The following ZNF516 variants were observed in gnomAD, a reference collection of about 807,000 sequenced individuals.
The protein encoded by ZNF516 is zinc finger protein 516.
Under a neutral mutation model 79.7 loss-of-function variants are expected in ZNF516, and 19 were observed. The ratio of observed to expected loss-of-function variants is 0.24; its 90% CI spans 0.17 to 0.35. The LOEUF (loss-of-function observed/expected upper bound fraction) is 0.35. Among genes scored for constraint, ZNF516 ranks in the 10% least tolerant of loss-of-function variants. ZNF516 has a pLI of 1.00. For synonymous variants in ZNF516, 877 were observed against 739.5 expected (o/e 1.19, Z -3.02); for missense variants, 1,678 against 1,679.5 (o/e 1.00, Z 0.02).
chr18:76,495,776 G>A (rs567546081), upstream of ZNF516: 5 of 1,135,504 alleles, frequency 4.4e-6, no homozygotes, highest in African/African-American at 6.8e-5. Context: ...ACACCCCTTC[G>A]GGGGTCCCAG....
chr18:76,391,015 G>A (rs1439242802), intron 3 of ZNF516, among the ~76,000 whole-genome samples: 2 of 152,108 alleles, frequency 1.3e-5, no homozygotes, highest in Non-Finnish European at 1.5e-5. Context: ...ACACTGGCAG[G>A]TGTTCCCAGA....
At chr18:76,456,277 A>G (rs903497099) in intron 2 of ZNF516, among the ~76,000 whole-genome samples, 2 of 152,240 alleles carry the variant, frequency 1.3e-5, no homozygotes, top group South Asian at 2.1e-4. Context: ...GTGCCTATTC[A>G]GGGACCTTGC....
Position 76,379,201 on chromosome 18 carries a change from C to T in ZNF516, c.2913G>A (p.Pro971=), listed in dbSNP as rs375660551. 1.7e-4 allele frequency: 278 copies of T among 1,612,842 alleles called. 1 individual carries two copies. The Middle Eastern group carries it at 3.1e-3, about 18-fold the overall frequency. Residue 971 remains proline (P), a synonymous_variant, in exon 4 of 7, where the codon CCG becomes CCA. Transcript: ENST00000443185. ...CACTGAATTTGGCTTTCAGGGAGTC[C>T]GGGGCACTGTGCTTATTTGTGGGGG... The part of the protein sequence containing the change: ...GFAPTNKHSA[P]DSLKAKFSAQ...
rs777345864 is a variant in ZNF516, at chr18:76,441,846, G to A, written c.1209C>T (p.Ala403=). ...GGTCCAGCTCAGCCACCCGCCGTCC[G>A]GCCTGCGTGCCAGGGCACGAGTCGC... ...AAGDSCPGTQ[A]GRRVAELDPV... is the part of the protein sequence containing the mutation. The change falls in exon 3 of 7, where the codon GCC becomes GCT. Residue 403 remains alanine (A), a synonymous_variant. Coordinates refer to ENST00000443185, the MANE Select transcript of ZNF516 (RefSeq NM_014643.4). 5 of 1,574,438 alleles carry A rather than the reference G, an allele frequency of 3.2e-6. No individual in the cohort carries two copies. The highest frequency in any genetic ancestry group is 1.7e-4 in the Middle Eastern group (1 of 6,022).
chr18:76,435,543 C>T lies in ZNF516; in HGVS notation c.1810+5702G>A, dbSNP rs372893866. 2.0e-4 allele frequency among the ~76,000 whole-genome samples: 30 copies of T among 152,306 alleles called. No individual in the cohort carries two copies. The South Asian group carries it at 5.8e-3, about 29-fold the overall frequency. ...GGGAGCGCGGATTAAGAGTGGGCTC[C>T]GGTTGCTAAGATGCTGACTACATCA... On this transcript the variant is annotated intron_variant, in intron 3 of 6. Transcript: ENST00000443185.
chr18:76,407,775 AC>A, intron 3 of ZNF516, among the ~76,000 whole-genome samples: 1 of 152,320 alleles, frequency 6.6e-6, no homozygotes, highest in South Asian at 2.1e-4. Context: ...GTTGCCAGCC[AC>A]CCAGACACCC....
At chr18:76,383,185 C>A (rs1055628153) in intron 3 of ZNF516, among the ~76,000 whole-genome samples, 1 of 152,112 alleles carries the variant, frequency 6.6e-6, no homozygotes, top group Non-Finnish European at 1.5e-5. Flanking sequence ...AGCATGACCA[C>A]GAGTGGAGGG....
chr18:76,411,413 G>A (rs942932059), intron 3 of ZNF516, among the ~76,000 whole-genome samples: 19 of 152,176 alleles, frequency 1.2e-4, no homozygotes, highest in South Asian at 2.1e-4. Context: ...TCAGCAAGTC[G>A]CGGCTTCAAC....
intron 4 of ZNF516, among the ~76,000 whole-genome samples, chr18:76,375,549 T>G (rs1368461426): frequency 6.7e-6 from 1 of 149,178 alleles, no homozygotes; most frequent in Non-Finnish European, 1.5e-5. Context: ...AGGTAGAGGA[T>G]GGACACACAA....
chr18:76,429,077 G>A (rs2075630474), intron 3 of ZNF516, among the ~76,000 whole-genome samples: 1 of 152,246 alleles, frequency 6.6e-6, no homozygotes, highest in African/African-American at 2.4e-5. Context: ...CCCTCCCGGG[G>A]ACAAGATCAG....
At position 76,444,407 on chromosome 18, in the gene ZNF516, C is replaced by G. The variant is rs560626295; in HGVS notation, c.-157-1196G>C. Among the ~76,000 whole-genome samples the G allele has an allele frequency of 8.5e-5, 13 of 152,316 alleles. No individual in the cohort carries two copies. In the East Asian group the frequency reaches 2.3e-3, roughly 27 times the overall value. ...CCAGATGGGCCATGTTCTGAAAACC[C>G]AAGTGATTTCGCATAGAAAGGAAGC... On this transcript the variant is annotated intron_variant, in intron 2 of 6. Coordinates refer to ENST00000443185, the MANE Select transcript of ZNF516 (RefSeq NM_014643.4).
At chr18:76,433,889 T>C (rs2075695695) in intron 3 of ZNF516, among the ~76,000 whole-genome samples, 1 of 152,060 alleles carries the variant, frequency 6.6e-6, no homozygotes, top group Non-Finnish European at 1.5e-5. Context: ...CATCTCACAG[T>C]GCCACGTCCC....
intron 6 of ZNF516, among the ~76,000 whole-genome samples, chr18:76,365,661 G>A (rs2074601566): frequency 6.6e-6 from 1 of 152,216 alleles, no homozygotes; most frequent in Admixed American, 6.5e-5. Flanking sequence ...AGGATCAGCG[G>A]TCCTTGATAT....
chr18:76,465,375 C>T (rs1050596665), intron 1 of ZNF516, among the ~76,000 whole-genome samples: 2 of 152,160 alleles, frequency 1.3e-5, no homozygotes, highest in African/African-American at 4.8e-5. Flanking sequence ...ATTCTCTAGT[C>T]AAGGAAACTC....
In ZNF516 at chr18:76,359,703, T is replaced by G. The variant is rs906783506; in HGVS notation, c.*2795A>C. ...CAAACCCTTTATTGTCTAAGTTACA[T>G]TAGACGCAACACTGTAAAAAATCCT... On this transcript the variant is annotated 3_prime_UTR_variant, in exon 7 of 7. Transcript: ENST00000443185. 1 of 150,362 alleles carries G rather than the reference T, an allele frequency of 6.7e-6. No homozygotes were observed. Among genetic ancestry groups the G allele is most frequent in the Non-Finnish European group, 1.5e-5 (1 of 67,716 alleles). The allele number at this position is 150,362 out of a possible 1,614,324, so 9.3% of individuals were successfully genotyped here.
intron 3 of ZNF516, chr18:76,386,499 A>G (rs1177585937): frequency 1.3e-5 from 2 of 152,222 alleles, no homozygotes; most frequent in East Asian, 3.8e-4. Flanking sequence ...AAGGTTAAGA[A>G]AAGGTAAAAG....
rs1441321933 is a variant in ZNF516, at chr18:76,463,015, C to T, written c.-158+13G>A. 6.6e-6 allele frequency: 1 copy of T among 152,156 alleles called. No individual in the cohort carries two copies. Among genetic ancestry groups the T allele is most frequent in the African/African-American group, 2.4e-5 (1 of 41,414 alleles). 9.4% of individuals were successfully genotyped at this position (152,156 alleles called of 1,614,324 possible). A position where few individuals can be genotyped will look rare whatever the true frequency, so the allele number is the denominator to read the frequency against. Reference sequence around the variant, plus strand: ...CAGACGGATTGACAGGAAGGTGATCCAACTGCACCTACCTGGGCTTTCCTG... The same window carrying T: ...CAGACGGATTGACAGGAAGGTGATCTAACTGCACCTACCTGGGCTTTCCTG... On this transcript the variant is annotated intron_variant, in intron 2 of 6. Coordinates refer to ENST00000443185, the MANE Select transcript of ZNF516 (RefSeq NM_014643.4).
chr18:76,442,540 G>A lies in ZNF516; in HGVS notation c.515C>T (p.Ala172Val). The A allele has an allele frequency of 6.3e-7, 1 of 1,599,728 alleles. No homozygotes were observed. Among genetic ancestry groups the A allele is most frequent in the Non-Finnish European group, 8.5e-7 (1 of 1,179,486 alleles). Residue 172 changes from alanine (A) to valine (V), a missense_variant, in exon 3 of 7, where the codon GCA becomes GTA. Transcript: ENST00000443185. ...CTTGCAGAAGGAGCACTGGACCGCT[G>A]CCTTGGCCTCCCCCGGGGCGCATGC... ...GSACAPGEAK[A>V]AVQCSFCKSQ...
chr18:76,429,930 A>T (rs914346421), intron 3 of ZNF516, among the ~76,000 whole-genome samples: 1 of 152,158 alleles, frequency 6.6e-6, no homozygotes, highest in African/African-American at 2.4e-5. Flanking sequence ...TTCTAAGTGG[A>T]GTGTAGGCTA....
Sources: gnomAD v4.1 joint callset for allele counts (sites outside exome capture counted in the v4.1 genomes callset) on GRCh38, gnomAD v4.1.1 for gene constraint, MANE v1.5 for transcripts, NCBI Gene and HGNC (gene_info 2026-07-23, HGNC 2026-07-21) for gene names.